The following MMP26 variants were observed in gnomAD, a reference collection of about 807,000 sequenced individuals.
MMP26 encodes matrix metallopeptidase 26.
In MMP26, 33 loss-of-function variants were observed where a neutral mutation model predicts 31.0. The observed-to-expected ratio is 1.06, with a 90% CI of 0.81 to 1.42. The LOEUF is 1.42. Ranked by LOEUF, MMP26 falls within the 40% of genes most tolerant of loss-of-function variation. MMP26 has a pLI of 0.00. For synonymous variants in MMP26, 122 were observed against 114.9 expected (o/e 1.06, Z -0.40); for missense variants, 347 against 316.1 (o/e 1.10, Z -0.74).
At chr11:4,794,811 G>A (rs1188028434) in intron 2 of MMP26, 2 of 152,180 alleles carry the variant, frequency 1.3e-5, no homozygotes, top group African/African-American at 4.8e-5. Flanking sequence ...TGCAGGTCCA[G>A]GCCTATTCCA....
chr11:4,717,486 G>C (rs1180999474), intron 1 of MMP26, among the ~76,000 whole-genome samples: 1 of 151,744 alleles, frequency 6.6e-6, no homozygotes, highest in Non-Finnish European at 1.5e-5. Context: ...ATATTAACCA[G>C]TGGATATTAC....
chr11:4,861,900 CT>C (rs916182190), intron 2 of MMP26, among the ~76,000 whole-genome samples: 9 of 152,072 alleles, frequency 5.9e-5, no homozygotes, highest in African/African-American at 2.2e-4. Flanking sequence ...GCTCTAAATC[CT>C]TATCTTAGCC....
chr11:4,821,449 G>A lies in MMP26; in HGVS notation c.-145+54108G>A. The stretch of plus-strand genomic sequence containing the variant: ...GTCGGTCCTCAATAATACCATTGCT[G>A]AGCCTCTGATCTTCCTCCTGATGGG... On this transcript the variant is annotated intron_variant, in intron 2 of 7. Coordinates refer to ENST00000380390, the MANE Select transcript of MMP26 (RefSeq NM_021801.5). 6.2e-7 allele frequency: 1 copy of A among 1,613,834 alleles called. No homozygotes were observed. Among genetic ancestry groups the A allele is most frequent in the Non-Finnish European group, 8.5e-7 (1 of 1,179,848 alleles).
chr11:4,930,306 A>G (rs944929262), intron 2 of MMP26, among the ~76,000 whole-genome samples: 6 of 152,200 alleles, frequency 3.9e-5, no homozygotes, highest in African/African-American at 1.4e-4. Flanking sequence ...TTTGTTGCCT[A>G]GCTATAAAGA....
chr11:4,813,725 G>A (rs973694321), intron 2 of MMP26, among the ~76,000 whole-genome samples: 3 of 150,890 alleles, frequency 2.0e-5, no homozygotes, highest in African/African-American at 7.4e-5. Context: ...AAAAAGTACA[G>A]TAATATTTTT....
intron 2 of MMP26, among the ~76,000 whole-genome samples, chr11:4,864,971 T>C (rs1850215025): frequency 6.6e-6 from 1 of 152,122 alleles, no homozygotes. Flanking sequence ...CAGTTTTAAT[T>C]TTTTCAGCTT....
intron 2 of MMP26, among the ~76,000 whole-genome samples, chr11:4,775,789 G>A (rs1199000575): frequency 1.3e-5 from 2 of 149,156 alleles, no homozygotes; most frequent in Admixed American, 6.6e-5. Flanking sequence ...AGAGAGAGAA[G>A]GAGCCAGGCC....
intron 2 of MMP26, among the ~76,000 whole-genome samples, chr11:4,925,798 AGTTT>A (rs370634374): frequency 2.1e-3 from 317 of 152,052 alleles, no homozygotes; most frequent in Non-Finnish European, 3.7e-3. Flanking sequence ...AAGTAGGACA[AGTTT>A]GTTTGTTTGT....
At chr11:4,803,584 C>A (rs769867596) in intron 2 of MMP26, 2 of 1,613,612 alleles carry the variant, frequency 1.2e-6, no homozygotes, top group Non-Finnish European at 1.7e-6. Flanking sequence ...ATGGCCAAAG[C>A]GGTAGGTGAG....
rs374624109 is a variant in MMP26 at position 4,946,337 on chromosome 11, G to A, written c.-144-41731G>A. ...GTGGACAACGGCCAGGTTGATGATG[G>A]GCAGGTAGAAGATGATCACTGCACA... is the stretch of plus-strand genomic sequence containing the variant. On this transcript the variant is annotated intron_variant, in intron 2 of 7. Coordinates refer to ENST00000380390, the MANE Select transcript of MMP26 (RefSeq NM_021801.5). 20 of 1,613,710 alleles carry A rather than the reference G, an allele frequency of 1.2e-5. No individual in the cohort carries two copies. The highest frequency in any genetic ancestry group is 1.5e-5 in the Non-Finnish European group (18 of 1,179,998).
At chr11:4,867,387 C>CTT (rs3065176) in intron 2 of MMP26, among the ~76,000 whole-genome samples, 7,243 of 98,120 alleles carry the variant, frequency 0.074, 410 homozygotes, top group Non-Finnish European at 0.099. Context: ...AGATGCTGTC[C>CTT]TTTTTTTTTT....
At chr11:4,905,275 G>A (rs1436157363) in intron 2 of MMP26, among the ~76,000 whole-genome samples, 1 of 152,088 alleles carries the variant, frequency 6.6e-6, no homozygotes, top group Non-Finnish European at 1.5e-5. Flanking sequence ...ACCATGGTGG[G>A]AGATTAATGA....
chr11:4,914,497 T>G (rs1851042345), intron 2 of MMP26: 1 of 506,532 alleles, frequency 2.0e-6, no homozygotes, highest in South Asian at 3.1e-5. Flanking sequence ...GAATTATTGC[T>G]GTGGCTATTT....
intron 2 of MMP26, among the ~76,000 whole-genome samples, chr11:4,959,293 AC>A (rs1837741165): frequency 6.6e-6 from 1 of 151,696 alleles, no homozygotes; most frequent in African/African-American, 2.4e-5. Flanking sequence ...AATTTCTATT[AC>A]ATTGCAATTT....
chr11:4,767,116 C>A (rs1589894200), intron 1 of MMP26, among the ~76,000 whole-genome samples, 154 bp from the exon 2 acceptor site: 1 of 151,996 alleles, frequency 6.6e-6, no homozygotes, highest in East Asian at 1.9e-4. Context: ...TCTATGTTCA[C>A]CTGGGGAAAG....
intron 2 of MMP26, among the ~76,000 whole-genome samples, chr11:4,835,484 G>T (rs1849705952): frequency 6.6e-6 from 1 of 152,072 alleles, no homozygotes; most frequent in South Asian, 2.1e-4. Flanking sequence ...TAGGATCCTA[G>T]ACTGGCCGGG....
At chr11:4,891,044 A>G (rs766535254) in intron 2 of MMP26, among the ~76,000 whole-genome samples, 9 of 149,820 alleles carry the variant, frequency 6.0e-5, no homozygotes, top group Non-Finnish European at 1.2e-4. Context: ...AGGACTGGGA[A>G]ACCCCAGGAA....
intron 2 of MMP26, among the ~76,000 whole-genome samples, chr11:4,802,180 T>C (rs1194449558): frequency 6.6e-6 from 1 of 152,238 alleles, no homozygotes; most frequent in Non-Finnish European, 1.5e-5. Context: ...AACTAATTAA[T>C]GTCTATATTT....
At chr11:4,709,829 C>T (rs1209436562) in intron 1 of MMP26, 1 of 457,362 alleles carries the variant, frequency 2.2e-6, no homozygotes, top group Non-Finnish European at 4.4e-6. Context: ...TGGGTATTTT[C>T]TGGTTCAATG....
Sources: gnomAD v4.1 joint callset for allele counts (sites outside exome capture counted in the v4.1 genomes callset) on GRCh38, gnomAD v4.1.1 for gene constraint, MANE v1.5 for transcripts, NCBI Gene and HGNC (gene_info 2026-07-23, HGNC 2026-07-21) for gene names.